The following MAGI2 variants were observed in gnomAD, a reference collection of about 807,000 sequenced individuals.
MAGI2 encodes the protein membrane-associated guanylate kinase, WW and PDZ domain-containing protein 2.
In MAGI2, 35 loss-of-function variants were observed where a neutral mutation model predicts 133.3. That is an observed-to-expected ratio of 0.26 (90% CI 0.20 to 0.35). The LOEUF is 0.35. Ranked by LOEUF, MAGI2 falls within the 10% of genes least tolerant of loss-of-function variation. The pLI is 1.00. For missense variants in MAGI2, 1,636 were observed against 1,863.4 expected, an observed-to-expected ratio of 0.88 and a Z score of 2.25; for synonymous variants, 729 against 710.6, an observed-to-expected ratio of 1.03 and a Z score of -0.41.
intron 6 of MAGI2, among the ~76,000 whole-genome samples, chr7:78,383,903 T>C (rs898832216): frequency 1.3e-5 from 2 of 152,194 alleles, no homozygotes; most frequent in African/African-American, 4.8e-5. Context: ...CAGCTAGCTG[T>C]AAATATGTGG....
At chr7:78,846,853 G>C (rs111965197) in intron 2 of MAGI2, among the ~76,000 whole-genome samples, 3,918 of 152,016 alleles carry the variant, frequency 0.026, 73 homozygotes, top group Middle Eastern at 0.044. Flanking sequence ...ACTCTTTCCA[G>C]GTGCATATAT....
intron 1 of MAGI2, among the ~76,000 whole-genome samples, chr7:79,065,412 G>T (rs1169387364): frequency 1.3e-5 from 2 of 152,032 alleles, no homozygotes; most frequent in African/African-American, 2.4e-5. Flanking sequence ...CACATGGAAG[G>T]TACTCAAATT....
chr7:78,390,425 T>C (rs1795793569), intron 6 of MAGI2, among the ~76,000 whole-genome samples: 1 of 152,188 alleles, frequency 6.6e-6, no homozygotes, highest in Non-Finnish European at 1.5e-5. Flanking sequence ...TTGTATTTAT[T>C]CAACATTTAT....
intron 1 of MAGI2, among the ~76,000 whole-genome samples, chr7:79,214,472 T>TAC (rs1240106480): frequency 1.5e-5 from 2 of 132,672 alleles, no homozygotes; most frequent in African/African-American, 5.6e-5. Context: ...AACATATATA[T>TAC]ACATATATAT....
intron 1 of MAGI2, among the ~76,000 whole-genome samples, chr7:79,423,337 G>C (rs895421585): frequency 3.5e-4 from 53 of 151,962 alleles, no homozygotes; most frequent in African/African-American, 1.2e-3. Flanking sequence ...CTGAGAAACA[G>C]TCAGCAATTT....
intron 9 of MAGI2, among the ~76,000 whole-genome samples, chr7:78,286,782 G>A (rs976984520): frequency 6.6e-6 from 1 of 152,200 alleles, no homozygotes; most frequent in Non-Finnish European, 1.5e-5. Context: ...AAGGCTTCAT[G>A]GTCTCAGAGA....
intron 2 of MAGI2, among the ~76,000 whole-genome samples, chr7:78,656,964 C>A (rs1812357378): frequency 7.6e-6 from 1 of 131,758 alleles, no homozygotes. Flanking sequence ...TAAAACTCAA[C>A]AATAAGAAAA....
At chr7:78,248,119 T>C (rs1405999773) in intron 10 of MAGI2, among the ~76,000 whole-genome samples, 1 of 152,196 alleles carries the variant, frequency 6.6e-6, no homozygotes, top group Non-Finnish European at 1.5e-5. Flanking sequence ...ACCATTAGAC[T>C]ATGAACAGAT....
At chr7:78,571,475 A>G (rs1801493507) in intron 3 of MAGI2, among the ~76,000 whole-genome samples, 1 of 152,216 alleles carries the variant, frequency 6.6e-6, no homozygotes, top group Non-Finnish European at 1.5e-5. Context: ...GCCAGATCAA[A>G]TACCATTTCA....
intron 1 of MAGI2, among the ~76,000 whole-genome samples, chr7:79,420,355 C>T (rs1291446289): frequency 6.6e-6 from 1 of 151,926 alleles, no homozygotes; most frequent in African/African-American, 2.4e-5. Flanking sequence ...TGTTACAAAA[C>T]TTAGAAACTA....
rs572000849 is a variant in MAGI2, at chr7:78,521,988, C to T, written c.539-343G>A. Among the ~76,000 whole-genome samples, 15 of 152,150 alleles carry T rather than the reference C, an allele frequency of 9.9e-5. No homozygotes were observed. In the South Asian group the frequency reaches 2.3e-3, roughly 23 times the overall value. The stretch of plus-strand genomic sequence containing the variant: ...TTTTATAACAAGACTTGATTATAAC[C>T]TTTTAAAAAATAATTATGTTAAGAG... On this transcript the variant is annotated intron_variant, in intron 3 of 21. Transcript: ENST00000354212.
chr7:78,536,103 C>CTTTTTTTTTTTTTTTT (rs544655465), intron 3 of MAGI2, among the ~76,000 whole-genome samples: 3 of 59,924 alleles, frequency 5.0e-5, no homozygotes, highest in Non-Finnish European at 8.5e-5. Context: ...ATGAATTAAA[C>CTTTTTTTTTTTTTTTT]TTTTTTTTTT....
chr7:79,214,693 T>G (rs1021724377), intron 1 of MAGI2, among the ~76,000 whole-genome samples: 7 of 137,892 alleles, frequency 5.1e-5, no homozygotes, highest in Non-Finnish European at 1.1e-4. Flanking sequence ...TAATATATAT[T>G]TATACATAAA....
intron 9 of MAGI2, among the ~76,000 whole-genome samples, chr7:78,283,791 T>C (rs924141096): frequency 6.6e-6 from 1 of 152,098 alleles, no homozygotes; most frequent in Non-Finnish European, 1.5e-5. Flanking sequence ...GCATCTGTAA[T>C]TGGCCTAAAA....
chr7:78,827,160 T>A (rs1790734068), intron 2 of MAGI2, among the ~76,000 whole-genome samples: 1 of 152,216 alleles, frequency 6.6e-6, no homozygotes, highest in African/African-American at 2.4e-5. Context: ...ATTTTCTTGC[T>A]GTCACCTAGA....
intron 2 of MAGI2, among the ~76,000 whole-genome samples, chr7:78,899,925 C>T (rs1040525843): frequency 6.6e-5 from 10 of 152,164 alleles, no homozygotes; most frequent in African/African-American, 2.2e-4. Flanking sequence ...TCTTTACTCT[C>T]ATCACTCAAC....
At chr7:79,317,349 T>C (rs1432913105) in intron 1 of MAGI2, among the ~76,000 whole-genome samples, 2 of 152,128 alleles carry the variant, frequency 1.3e-5, no homozygotes, top group African/African-American at 4.8e-5. Context: ...GAAAGGCTTC[T>C]GATTTCCCCT....
At chr7:78,056,675 G>T (rs183131046) in intron 21 of MAGI2, among the ~76,000 whole-genome samples, 3 of 152,084 alleles carry the variant, frequency 2.0e-5, no homozygotes, top group East Asian at 3.9e-4. Context: ...TCAGGGCTTG[G>T]GGGGAAGGAG....
intron 2 of MAGI2, among the ~76,000 whole-genome samples, chr7:78,989,195 A>G (rs1283578420): frequency 1.3e-5 from 2 of 152,046 alleles, no homozygotes; most frequent in Non-Finnish European, 2.9e-5. Context: ...TGCTACTCTC[A>G]TCTTTCCTGT....
Sources: gnomAD v4.1 joint callset for allele counts (sites outside exome capture counted in the v4.1 genomes callset) on GRCh38, gnomAD v4.1.1 for gene constraint, MANE v1.5 for transcripts, NCBI Gene and HGNC (gene_info 2026-07-23, HGNC 2026-07-21) for gene names.